The following DYSF variants were observed in gnomAD, a reference collection of about 807,000 sequenced individuals.
The protein encoded by DYSF is dystrophy-associated fer-1-like 1.
DYSF carries 212 observed loss-of-function variants against 274.9 expected under a neutral mutation model. The ratio of observed to expected loss-of-function variants is 0.77; its 90% CI spans 0.69 to 0.86. DYSF has a LOEUF of 0.86. Among genes scored for constraint, DYSF ranks in the 40% least tolerant of loss-of-function variants. The pLI, the probability that DYSF is intolerant of heterozygous loss-of-function variation, is 0.00. For synonymous variants in DYSF, 1,091 were observed against 1,078.7 expected (o/e 1.01, Z -0.22); for missense variants, 2,666 against 2,783.2 (o/e 0.96, Z 0.95).
chr2:71,529,789 G>C (rs891347294), intron 14 of DYSF, among the ~76,000 whole-genome samples: 2 of 152,184 alleles, frequency 1.3e-5, no homozygotes, highest in Non-Finnish European at 2.9e-5. Flanking sequence ...ACTGCAAAGT[G>C]GTGATTTTCT....
chr2:71,608,446 G>A (rs2152870037), intron 36 of DYSF, among the ~76,000 whole-genome samples: 1 of 152,270 alleles, frequency 6.6e-6, no homozygotes, highest in Non-Finnish European at 1.5e-5. Flanking sequence ...CCTGGGGACA[G>A]CACGGTGGAC....
chr2:71,532,605 G>C (rs1467688201), intron 14 of DYSF, among the ~76,000 whole-genome samples: 1 of 152,098 alleles, frequency 6.6e-6, no homozygotes, highest in Admixed American at 6.6e-5. Flanking sequence ...CCCACATCCT[G>C]GTGAAGGTAG....
At chr2:71,681,772 A>G (rs1292214633) in intron 54 of DYSF, among the ~76,000 whole-genome samples, 3 of 152,212 alleles carry the variant, frequency 2.0e-5, no homozygotes, top group Non-Finnish European at 4.4e-5. Context: ...TGTTTGCTGG[A>G]TCCCGCCCCA....
chr2:71,491,879 G>A (rs968799628), intron 3 of DYSF, among the ~76,000 whole-genome samples: 2 of 152,094 alleles, frequency 1.3e-5, no homozygotes, highest in Non-Finnish European at 2.9e-5. Flanking sequence ...AACATACATA[G>A]CACACAGACC....
intron 14 of DYSF, among the ~76,000 whole-genome samples, chr2:71,528,869 A>C (rs1472514162): frequency 6.6e-6 from 1 of 152,146 alleles, no homozygotes; most frequent in Non-Finnish European, 1.5e-5. Context: ...TCCTGCCCTG[A>C]GGCGGGACTG....
chr2:71,669,010 G>A (rs901252922), intron 49 of DYSF, 102 bp from the exon 50 acceptor site: 74 of 1,290,374 alleles, frequency 5.7e-5, no homozygotes, highest in African/African-American at 4.3e-4. Context: ...GGCAGGCATC[G>A]AGTCCTCTTG....
chr2:71,543,882 A>G (rs1573878754), intron 17 of DYSF, among the ~76,000 whole-genome samples: 1 of 138,740 alleles, frequency 7.2e-6, no homozygotes. Flanking sequence ...CCGTGGGGAG[A>G]GGGAGAGGGA....
intron 29 of DYSF, among the ~76,000 whole-genome samples, chr2:71,573,621 C>T (rs1259338341): frequency 6.6e-6 from 1 of 152,068 alleles, no homozygotes; most frequent in East Asian, 1.9e-4. Context: ...AGCTGCAGAC[C>T]CACTACAGGA....
intron 26 of DYSF, 140 bp from the exon 27 acceptor site, chr2:71,569,680 C>A: frequency 1.4e-6 from 1 of 735,080 alleles, no homozygotes; most frequent in Non-Finnish European, 2.4e-6. Context: ...TCTCTTGCAC[C>A]CTTCCCTCCC....
In DYSF at chr2:71,567,258, T is replaced by C. The variant is rs547340027; in HGVS notation, c.2566-693T>C. On this transcript the variant is annotated intron_variant, in intron 24 of 55. Coordinates refer to ENST00000410020, the MANE Select transcript of DYSF (RefSeq NM_001130987.2). ...GCAGTTGAAGACCAGTGAATAGTGG[T>C]TGACATGCTGATAATCACTTGAAAG... Among the ~76,000 whole-genome samples, 279 of 152,334 alleles carry C rather than the reference T, an allele frequency of 1.8e-3. 2 individuals are homozygous for C. The highest frequency in any genetic ancestry group is 5.2e-3 in the African/African-American group (216 of 41,576).
At position 71,612,674 on chromosome 2, in the gene DYSF, A is replaced by G; in HGVS notation, c.4255A>G (p.Ile1419Val). The G allele has an allele frequency of 6.2e-7, 1 of 1,614,072 alleles. No homozygotes were observed. ...LPREELYCPP[I>V]TVKVIDNRQF... ...CAGGGAGGAGCTCTACTGCCCCCCC[A>G]TCACCGTCAAGGTCATCGATAACCG... Residue 1419 changes from isoleucine (I) to valine (V), a missense_variant, in exon 39 of 56, where the codon ATC (isoleucine) becomes GTC (valine). Coordinates refer to ENST00000410020, the MANE Select transcript of DYSF (RefSeq NM_001130987.2).
upstream of DYSF, among the ~76,000 whole-genome samples, chr2:71,463,589 C>T (rs2081375726): frequency 6.6e-6 from 1 of 152,252 alleles, no homozygotes; most frequent in African/African-American, 2.4e-5. Context: ...GCCGCTGCTG[C>T]CAGCAACTCC....
chr2:71,608,522 C>T (rs2093686583), intron 36 of DYSF, among the ~76,000 whole-genome samples: 1 of 152,078 alleles, frequency 6.6e-6, no homozygotes, highest in Non-Finnish European at 1.5e-5. Flanking sequence ...CACCTCTAAC[C>T]ACTGTCTCTG....
chr2:71,561,656 G>A (rs1463872262), intron 22 of DYSF, 96 bp from the exon 23 acceptor site: 6 of 1,442,050 alleles, frequency 4.2e-6, no homozygotes, highest in Admixed American at 1.7e-5. Flanking sequence ...AGGCGGAGGG[G>A]GTGGGGCCTG....
At chr2:71,521,269 G>A (rs2087244102) in intron 12 of DYSF, among the ~76,000 whole-genome samples, 1 of 152,168 alleles carries the variant, frequency 6.6e-6, no homozygotes, top group African/African-American at 2.4e-5. Context: ...ATCTCCACAT[G>A]TCAGTAAGTA....
chr2:71,662,927 C>T (rs1304039845), intron 45 of DYSF, among the ~76,000 whole-genome samples: 2 of 24,286 alleles, frequency 8.2e-5, no homozygotes, highest in Non-Finnish European at 2.7e-4. Context: ...TATGTGTGCA[C>T]GTATGTGCAT....
intron 30 of DYSF, 34 bp from the exon 31 acceptor site, chr2:71,589,559 G>A (rs888535328): frequency 1.3e-6 from 2 of 1,592,354 alleles, no homozygotes; most frequent in Non-Finnish European, 1.7e-6. Context: ...AGGCCTGGGG[G>A]CAGAATCTGC....
At chr2:71,570,069 G>A in intron 27 of DYSF, 135 bp downstream of exon 27, 1 of 1,083,034 alleles carries the variant, frequency 9.2e-7, no homozygotes, top group South Asian at 1.3e-5. Context: ...ATTTCCAAAG[G>A]GAAAGTGTGG....
chr2:71,569,745 C>T, intron 26 of DYSF, 75 bp from the exon 27 acceptor site: 1 of 1,287,470 alleles, frequency 7.8e-7, no homozygotes, highest in Non-Finnish European at 1.1e-6. Flanking sequence ...CGCAGGGGTG[C>T]TCTCCAGGAG....
Sources: gnomAD v4.1 joint callset for allele counts (sites outside exome capture counted in the v4.1 genomes callset) on GRCh38, gnomAD v4.1.1 for gene constraint, MANE v1.5 for transcripts, NCBI Gene and HGNC (gene_info 2026-07-23, HGNC 2026-07-21) for gene names.